CDH1: variants seen among roughly 807,000 people sequenced by gnomAD.
CDH1 encodes cadherin-1.
Under a neutral mutation model 84.5 loss-of-function variants are expected in CDH1, and 35 were observed. The observed-to-expected ratio is 0.41, with a 90% CI of 0.32 to 0.55. The LOEUF is 0.55. Ranked by LOEUF, CDH1 falls within the 20% of genes least tolerant of loss-of-function variation. The pLI is 0.19. For synonymous variants in CDH1, 417 were observed against 439.0 expected (o/e 0.95, Z 0.63); for missense variants, 994 against 1,126.6 (o/e 0.88, Z 1.68).
At chr16:68,825,803 CTTTT>C (rs869187109) in intron 13 of CDH1, among the ~76,000 whole-genome samples, 3 of 94,498 alleles carry the variant, frequency 3.2e-5, no homozygotes, top group African/African-American at 4.8e-5. Flanking sequence ...TAAAGGGAAT[CTTTT>C]TTTTTTTTTT....
chr16:68,823,395 C>G lies in CDH1; in HGVS notation c.1937-4C>G, dbSNP rs1057523153. 1.9e-6 allele frequency: 3 copies of G among 1,600,386 alleles called. No individual in the cohort carries two copies. The highest frequency in any genetic ancestry group is 2.6e-6 in the Non-Finnish European group (3 of 1,167,868). ...TCATCATTTCTTTTTATTGCTTTCT[C>G]CAGCCCAAGAATCTATCATTTTGAA... On this transcript the variant is annotated splice_region_variant and splice_polypyrimidine_tract_variant and intron_variant, in intron 12 of 15. Transcript: ENST00000261769.
chr16:68,829,916 G>A (rs1961438112), intron 15 of CDH1, 119 bp downstream of exon 15: 8 of 929,018 alleles, frequency 8.6e-6, no homozygotes, highest in Non-Finnish European at 1.3e-5. Context: ...CAGCTTGCCT[G>A]AGCCCTGGAG....
chr16:68,829,684 C>T lies in CDH1; in HGVS notation c.2326C>T (p.Leu776=), dbSNP rs765299711. Residue 776 remains leucine, a synonymous_variant, in exon 15 of 16, where the codon CTG becomes TTG. Transcript: ENST00000261769. ...TGACTTGAGCCAGCTGCACAGGGGC[C>T]TGGACGCTCGGCCTGAAGTGACTCG... ...DFDLSQLHRG[L]DARPEVTRND... is the part of the protein sequence containing the mutation. 2 of 1,614,160 alleles carry T rather than the reference C, an allele frequency of 1.2e-6. No homozygotes were observed. The highest frequency in any genetic ancestry group is 1.7e-6 in the Non-Finnish European group (2 of 1,180,036).
At chr16:68,806,340 G>C (rs370533414) in intron 3 of CDH1, among the ~76,000 whole-genome samples, 3 of 151,832 alleles carry the variant, frequency 2.0e-5, no homozygotes, top group Non-Finnish European at 4.4e-5. Flanking sequence ...AGTAGAGGCA[G>C]GGTTTTGGCA....
rs587782571 is a variant in CDH1 at position 68,808,476 on chromosome 16, C to G, written c.440C>G (p.Pro147Arg). 6.2e-7 allele frequency: 1 copy of G among 1,614,142 alleles called. No individual in the cohort carries two copies. The highest frequency in any genetic ancestry group is 8.5e-7 in the Non-Finnish European group (1 of 1,180,018). Residue 147 changes from proline to arginine, a missense_variant, in exon 4 of 16, where the codon CCT becomes CGT. By Grantham distance (103) the Pro-to-Arg change is moderately radical (BLOSUM62 -2). This residue lies in a region of CDH1 where 203 missense variants were observed against 194.0 expected (regional missense o/e 1.05). Transcript: ENST00000261769. ...TTGCTCACATTTCCCAACTCCTCTC[C>G]TGGCCTCAGAAGACAGAAGAGAGAC... Reference protein sequence around the residue: ...AELLTFPNSSPGLRRQKRDWV... With the variant: ...AELLTFPNSSRGLRRQKRDWV...
chr16:68,761,516 A>G (rs1959225232), intron 2 of CDH1, among the ~76,000 whole-genome samples: 1 of 152,254 alleles, frequency 6.6e-6, no homozygotes, highest in African/African-American at 2.4e-5. Flanking sequence ...CCAGACACAT[A>G]TGAATGTCCC....
intron 11 of CDH1, among the ~76,000 whole-genome samples, chr16:68,821,300 C>A (rs950441647): frequency 6.6e-6 from 1 of 151,386 alleles, no homozygotes; most frequent in African/African-American, 2.4e-5. Context: ...TGATAAGACC[C>A]CCTCTCTACA....
chr16:68,804,001 G>C (rs1960582913), intron 3 of CDH1, among the ~76,000 whole-genome samples: 1 of 150,338 alleles, frequency 6.7e-6, no homozygotes, highest in Non-Finnish European at 1.5e-5. Flanking sequence ...TGGAGCTCCA[G>C]TCATCATGTC....
rs150427791 is a variant in CDH1, at chr16:68,823,458, A to C, written c.1996A>C (p.Asn666His). 1.7e-5 allele frequency: 27 copies of C among 1,613,988 alleles called. No individual in the cohort carries two copies. In the African/African-American group the frequency reaches 3.5e-4, roughly 21 times the overall value. ...CTTAGAGGTGGGTGACTACAAAATCAATCTCAAGCTCATGGATAACCAGAA... is the reference window on the plus strand; with the variant it reads ...CTTAGAGGTGGGTGACTACAAAATCCATCTCAAGCTCATGGATAACCAGAA... ...MALEVGDYKI[N>H]LKLMDNQNKD... The change falls in exon 13 of 16, where the codon AAT becomes CAT. Residue 666 changes from asparagine to histidine, a missense_variant. This residue lies in a region of CDH1 where 769 missense variants were observed against 881.8 expected (regional missense o/e 0.87). Transcript: ENST00000261769.
rs5817653 is a variant in CDH1, at chr16:68,804,824, C to CTTTTTTTTT, written c.387+2946_387+2954dup. On this transcript the variant is annotated intron_variant, in intron 3 of 15. Coordinates refer to ENST00000261769, the MANE Select transcript of CDH1 (RefSeq NM_004360.5). ...AAACAACATATCCAGGTAACAAAAT[C>CTTTTTTTTT]TTTTTTTTTTTTTTTTTTTTTTTGG... Among the ~76,000 whole-genome samples, 93 of 69,686 alleles carry CTTTTTTTTT rather than the reference C, an allele frequency of 1.3e-3. 11 individuals carry two copies. Among genetic ancestry groups the CTTTTTTTTT allele is most frequent in the African/African-American group, 6.0e-3 (90 of 15,002 alleles). The allele number at this position is 69,686 out of a possible 152,430, so 45.7% of individuals were successfully genotyped here.
Position 68,828,203 on chromosome 16 carries a change from C to T in CDH1, c.2194C>T (p.Arg732Trp), listed in dbSNP as rs864622198. 4.3e-6 allele frequency: 7 copies of T among 1,613,858 alleles called. No individual in the cohort carries two copies. The highest frequency in any genetic ancestry group is 2.2e-5 in the East Asian group (1 of 44,892). The change falls in exon 14 of 16, where the codon CGG becomes TGG. Residue 732 changes from arginine to tryptophan, a missense_variant. By Grantham distance (101) the Arg-to-Trp change is moderately radical. Transcript: ENST00000261769. ...GATTCTGCTGCTCTTGCTGTTTCTT[C>T]GGAGGAGAGCGGTGGTCAAAGAGCC... ...ILILLLLLFL[R>W]RRAVVKEPLL... is the part of the protein sequence containing the mutation.
At chr16:68,770,469 T>G (rs1959538214) in intron 2 of CDH1, among the ~76,000 whole-genome samples, 1 of 151,990 alleles carries the variant, frequency 6.6e-6, no homozygotes, top group South Asian at 2.1e-4. Context: ...TACCAGCCAG[T>G]TGACATCCAG....
chr16:68,831,078 T>C (rs908919231), intron 15 of CDH1, among the ~76,000 whole-genome samples: 12 of 128,834 alleles, frequency 9.3e-5, no homozygotes, highest in Admixed American at 5.3e-4. Flanking sequence ...TCTTTTTTTT[T>C]TTTTTTTTTT....
intron 12 of CDH1, 107 bp from the exon 13 acceptor site, chr16:68,823,292 C>T: frequency 1.3e-6 from 1 of 790,914 alleles, no homozygotes; most frequent in Non-Finnish European, 2.2e-6. Flanking sequence ...GCTCTGCTCT[C>T]TTCACTCGGC....
intron 2 of CDH1, among the ~76,000 whole-genome samples, chr16:68,752,804 TAAGG>T (rs1365641802): frequency 6.6e-6 from 1 of 152,086 alleles, no homozygotes; most frequent in African/African-American, 2.4e-5. Context: ...CTTCTGAGTG[TAAGG>T]AAGCACCAGA....
At chr16:68,767,006 T>G (rs887645174) in intron 2 of CDH1, among the ~76,000 whole-genome samples, 9 of 151,218 alleles carry the variant, frequency 6.0e-5, no homozygotes, top group African/African-American at 1.7e-4. Context: ...GGATTACAGG[T>G]GTGAGCCACT....
chr16:68,817,004 G>C (rs572975173), intron 10 of CDH1, among the ~76,000 whole-genome samples: 1 of 152,348 alleles, frequency 6.6e-6, no homozygotes, highest in South Asian at 2.1e-4. Context: ...TCCTGGGGCA[G>C]ATTCAGGGAC....
At chr16:68,794,824 C>A (rs1960315040) in intron 2 of CDH1, among the ~76,000 whole-genome samples, 1 of 151,188 alleles carries the variant, frequency 6.6e-6, no homozygotes, top group Non-Finnish European at 1.5e-5. Flanking sequence ...GTAGCTGGGA[C>A]TACAGGCGCC....
chr16:68,811,905 T>C (rs750452127), intron 7 of CDH1, 46 bp downstream of exon 7: 15 of 1,601,408 alleles, frequency 9.4e-6, no homozygotes, highest in Non-Finnish European at 1.3e-5. Flanking sequence ...CAAATGTGTA[T>C]TAGCTCAATC....
Sources: gnomAD v4.1 joint callset for allele counts (sites outside exome capture counted in the v4.1 genomes callset) on GRCh38, gnomAD v4.1.1 for gene constraint, gnomAD v4.1.1 regional missense constraint, MANE v1.5 for transcripts, NCBI Gene and HGNC (gene_info 2026-07-23, HGNC 2026-07-21) for gene names.